Variants in HSD17B12 observed in about 807,000 individuals in gnomAD.
HSD17B12 encodes the protein very-long-chain 3-oxoacyl-CoA reductase.
HSD17B12 carries 32 observed loss-of-function variants against 39.3 expected under a neutral mutation model. The observed-to-expected ratio is 0.81, with a 90% CI of 0.61 to 1.09. The LOEUF (loss-of-function observed/expected upper bound fraction) is 1.09, where lower values mean the gene tolerates loss of function less well. Among genes scored for constraint, HSD17B12 ranks in the 50% least tolerant of loss-of-function variants. The pLI is 0.00. For synonymous variants in HSD17B12, 150 were observed against 146.7 expected (o/e 1.02, Z -0.16); for missense variants, 342 against 382.9 (o/e 0.89, Z 0.89).
the HSD17B12 span, among the ~76,000 whole-genome samples, chr11:43,629,309 G>A: frequency 1.3e-5 from 2 of 152,152 alleles, no homozygotes; most frequent in Non-Finnish European, 2.9e-5. Flanking sequence ...TGATTCTAAT[G>A]GGGTCCTGTA....
chr11:43,690,357 C>CATATAT (rs1949842210), intron 1 of HSD17B12, among the ~76,000 whole-genome samples: 1 of 74,060 alleles, frequency 1.4e-5, no homozygotes, highest in African/African-American at 6.1e-5. Flanking sequence ...GTAAGGTATT[C>CATATAT]ATACATATAT....
chr11:43,586,373 G>A, the HSD17B12 span, among the ~76,000 whole-genome samples: 1 of 152,178 alleles, frequency 6.6e-6, no homozygotes, highest in East Asian at 1.9e-4. Flanking sequence ...GCACAAGAAA[G>A]TTGCTGTGTC....
rs117163104 is a variant in HSD17B12, at chr11:43,731,439, C to T, written c.161-19472C>T. Among the ~76,000 whole-genome samples, 596 of 152,282 alleles carry T rather than the reference C, an allele frequency of 3.9e-3. 6 individuals are homozygous for T. In the East Asian group the frequency reaches 0.045, roughly 11 times the overall value. On this transcript the variant is annotated intron_variant, in intron 1 of 10. Transcript: ENST00000278353. ...GAATTATACCAGGTAGATCTCATTA[C>T]ACCTCTTTCACTTTTATTAGACCTG... is the stretch of plus-strand genomic sequence containing the variant.
intron 8 of HSD17B12, 23 bp downstream of exon 8, chr11:43,838,421 A>G (rs1157269606): frequency 6.6e-7 from 1 of 1,524,796 alleles, no homozygotes; most frequent in Non-Finnish European, 9.1e-7. Flanking sequence ...TTCTTAAATC[A>G]TGTCAATATA....
the HSD17B12 span, among the ~76,000 whole-genome samples, chr11:43,664,241 T>C: frequency 1.3e-5 from 2 of 152,048 alleles, no homozygotes; most frequent in Non-Finnish European, 2.9e-5. Flanking sequence ...CCTAAAAGGG[T>C]GGGATATCTT....
intron 6 of HSD17B12, among the ~76,000 whole-genome samples, chr11:43,823,963 G>A (rs1043349167): frequency 2.0e-5 from 3 of 152,156 alleles, no homozygotes; most frequent in Admixed American, 6.5e-5. Flanking sequence ...GTCAGAGGTT[G>A]TAAACTGTTG....
intron 1 of HSD17B12, among the ~76,000 whole-genome samples, chr11:43,749,861 C>T (rs747055252): frequency 1.3e-5 from 2 of 151,912 alleles, no homozygotes; most frequent in African/African-American, 2.4e-5. Flanking sequence ...TGGAAAAACT[C>T]GTATTTAGAG....
chr11:43,626,546 AT>A, the HSD17B12 span, among the ~76,000 whole-genome samples: 98 of 151,590 alleles, frequency 6.5e-4, 1 homozygote, highest in African/African-American at 2.2e-3. Context: ...TGGCACATTA[AT>A]TTTTTTTGCA....
the HSD17B12 span, among the ~76,000 whole-genome samples, chr11:43,632,258 G>T: frequency 6.6e-6 from 1 of 152,170 alleles, no homozygotes; most frequent in African/African-American, 2.4e-5. Flanking sequence ...AATTGAATTA[G>T]ATGATCTCTG....
At chr11:43,681,126 C>T (rs2134733946) in intron 1 of HSD17B12, 139 bp downstream of exon 1, 7 of 1,420,916 alleles carry the variant, frequency 4.9e-6, no homozygotes, top group Non-Finnish European at 6.4e-6. Flanking sequence ...GCCCCGCGGG[C>T]CCCTCCTGGC....
At chr11:43,805,743 T>C (rs1349100460) in intron 4 of HSD17B12, among the ~76,000 whole-genome samples, 1 of 152,156 alleles carries the variant, frequency 6.6e-6, no homozygotes, top group African/African-American at 2.4e-5. Flanking sequence ...ATTTTGTTGC[T>C]AACCACCCAG....
chr11:43,728,350 G>T (rs1372945969), intron 1 of HSD17B12, among the ~76,000 whole-genome samples: 1 of 152,060 alleles, frequency 6.6e-6, no homozygotes, highest in Non-Finnish European at 1.5e-5. Flanking sequence ...ATAGGCATAA[G>T]CCATTGCACC....
the HSD17B12 span, among the ~76,000 whole-genome samples, chr11:43,580,000 G>T: frequency 1.8e-3 from 276 of 151,976 alleles, 1 homozygote; most frequent in African/African-American, 6.3e-3. Context: ...CCCCACTGGG[G>T]GACTATACTG....
chr11:43,641,569 G>A, the HSD17B12 span, among the ~76,000 whole-genome samples: 3 of 151,926 alleles, frequency 2.0e-5, no homozygotes, highest in African/African-American at 7.2e-5. Context: ...CTCACATGCT[G>A]GGAAAATATT....
chr11:43,715,110 CTT>C (rs1004010829), intron 1 of HSD17B12, among the ~76,000 whole-genome samples: 10 of 152,190 alleles, frequency 6.6e-5, no homozygotes, highest in African/African-American at 2.4e-4. Flanking sequence ...ATTGAATACT[CTT>C]TATTTCTTTC....
chr11:43,572,540 C>A, the HSD17B12 span, among the ~76,000 whole-genome samples: 1 of 152,132 alleles, frequency 6.6e-6, no homozygotes, highest in Admixed American at 6.5e-5. Context: ...AGTTTTGTAA[C>A]TTCAAGTTCT....
At chr11:43,624,871 CA>C in the HSD17B12 span, among the ~76,000 whole-genome samples, 2 of 151,688 alleles carry the variant, frequency 1.3e-5, no homozygotes, top group African/African-American at 2.4e-5. Flanking sequence ...TTACTACTGC[CA>C]AGGCCTGTCA....
At chr11:43,666,709 C>G in the HSD17B12 span, among the ~76,000 whole-genome samples, 1 of 152,128 alleles carries the variant, frequency 6.6e-6, no homozygotes, top group Non-Finnish European at 1.5e-5. Flanking sequence ...TAGAAGGAGG[C>G]TAGAGACAGG....
chr11:43,664,893 C>G, the HSD17B12 span, among the ~76,000 whole-genome samples: 1 of 152,118 alleles, frequency 6.6e-6, no homozygotes, highest in East Asian at 1.9e-4. Flanking sequence ...GAAAGCAAGT[C>G]TTTCTAACAT....
Sources: allele counts gnomAD v4.1 joint callset (sites outside exome capture counted in the v4.1 genomes callset), GRCh38; gene constraint gnomAD v4.1.1; transcripts MANE v1.5; gene names NCBI Gene and HGNC (gene_info 2026-07-23, HGNC 2026-07-21).